Variants in COL27A1 observed in about 807,000 individuals in gnomAD.
COL27A1 encodes the protein collagen type XXVII alpha 1 chain.
COL27A1 carries 106 observed loss-of-function variants against 251.3 expected under a neutral mutation model. The ratio of observed to expected loss-of-function variants is 0.42; its 90% CI spans 0.36 to 0.50. COL27A1 has a LOEUF of 0.50. Ranked by LOEUF, COL27A1 falls within the 20% of genes least tolerant of loss-of-function variation. The pLI is 0.00. For missense variants in COL27A1, 2,325 were observed against 2,522.8 expected, an observed-to-expected ratio of 0.92 and a Z score of 1.68; for synonymous variants, 1,000 against 986.3, an observed-to-expected ratio of 1.01 and a Z score of -0.26.
At chr9:114,160,128 G>C (rs1270975892) in intron 1 of COL27A1, among the ~76,000 whole-genome samples, 2 of 151,762 alleles carry the variant, frequency 1.3e-5, no homozygotes, top group Non-Finnish European at 2.9e-5. Context: ...GGGAATTAAG[G>C]CTTTGGGAAG....
intron 2 of COL27A1, among the ~76,000 whole-genome samples, chr9:114,167,087 T>C (rs1487481207): frequency 6.6e-6 from 1 of 152,188 alleles, no homozygotes; most frequent in African/African-American, 2.4e-5. Flanking sequence ...TTTACCAAGC[T>C]CTGGTGACAG....
intron 13 of COL27A1, among the ~76,000 whole-genome samples, chr9:114,221,719 T>C (rs764721562): frequency 6.6e-6 from 1 of 152,080 alleles, no homozygotes. Flanking sequence ...GAAGGAAATG[T>C]GAGGGTGTGG....
chr9:114,310,079 C>A (rs999921230), intron 60 of COL27A1, among the ~76,000 whole-genome samples: 3 of 151,888 alleles, frequency 2.0e-5, no homozygotes, highest in African/African-American at 7.3e-5. Context: ...TATGAAGACA[C>A]AAAGGCATAA....
chr9:114,307,881 T>TA, intron 59 of COL27A1, 103 bp downstream of exon 59: 1 of 744,248 alleles, frequency 1.3e-6, no homozygotes, highest in Non-Finnish European at 2.2e-6. Context: ...GTGCCTGTCT[T>TA]ACTGCATGCC....
intron 21 of COL27A1, among the ~76,000 whole-genome samples, chr9:114,241,626 C>T (rs947380685): frequency 4.6e-5 from 7 of 152,212 alleles, no homozygotes; most frequent in African/African-American, 1.4e-4. Context: ...CAAGAAAGCC[C>T]TATGTATGCC....
At chr9:114,253,587 C>G (rs1259082466) in intron 27 of COL27A1, among the ~76,000 whole-genome samples, 1 of 152,144 alleles carries the variant, frequency 6.6e-6, no homozygotes, top group Admixed American at 6.6e-5. Flanking sequence ...ATCAGACAGA[C>G]CTGGGTAGAA....
intron 2 of COL27A1, among the ~76,000 whole-genome samples, chr9:114,166,269 A>G (rs574019171): frequency 1.2e-5 from 1 of 84,248 alleles, no homozygotes; most frequent in East Asian, 2.8e-4. Flanking sequence ...CCATCCATCC[A>G]TCCACCCATC....
intron 15 of COL27A1, 134 bp downstream of exon 15, chr9:114,231,266 A>G (rs1241823354): frequency 1.1e-5 from 9 of 827,978 alleles, no homozygotes; most frequent in East Asian, 2.7e-5. Flanking sequence ...GAGGGGTGCT[A>G]GGAGGAAGCT....
At chr9:114,258,731 G>GT in intron 28 of COL27A1, 137 bp downstream of exon 28, 1 of 869,416 alleles carries the variant, frequency 1.2e-6, no homozygotes, top group Non-Finnish European at 1.8e-6. Flanking sequence ...ACAAGGCAAG[G>GT]TTCTAGGCTC....
At chr9:114,288,071 C>T (rs1827637550) in intron 41 of COL27A1, among the ~76,000 whole-genome samples, 1 of 152,186 alleles carries the variant, frequency 6.6e-6, no homozygotes, top group Admixed American at 6.5e-5. Flanking sequence ...CTGTCCCCTT[C>T]ACCCCACCCC....
intron 5 of COL27A1, among the ~76,000 whole-genome samples, chr9:114,193,676 G>A (rs1828905035): frequency 6.6e-6 from 1 of 152,082 alleles, no homozygotes; most frequent in East Asian, 1.9e-4. Flanking sequence ...GTGCGGTGAG[G>A]GATAGTGCCA....
chr9:114,288,195 T>A (rs1827647617), intron 41 of COL27A1, among the ~76,000 whole-genome samples: 1 of 152,168 alleles, frequency 6.6e-6, no homozygotes, highest in Non-Finnish European at 1.5e-5. Context: ...TCCAGCTGTC[T>A]GAGCTCCCTG....
At chr9:114,204,089 G>A (rs576454016) in intron 7 of COL27A1, among the ~76,000 whole-genome samples, 1 of 152,138 alleles carries the variant, frequency 6.6e-6, no homozygotes, top group Non-Finnish European at 1.5e-5. Flanking sequence ...CTGGTCTTGT[G>A]TGTGTATTTT....
At chr9:114,217,686 CCTTG>C (rs1830794185) in intron 12 of COL27A1, 14 of 442,066 alleles carry the variant, frequency 3.2e-5, no homozygotes, top group South Asian at 2.4e-4. Flanking sequence ...AAGTTCTGTC[CCTTG>C]TAGGCCATGT....
intron 14 of COL27A1, 99 bp from the exon 15 acceptor site, chr9:114,230,979 GA>G: frequency 1.1e-6 from 1 of 931,232 alleles, no homozygotes; most frequent in Non-Finnish European, 1.7e-6. Context: ...TGCGTCTTTG[GA>G]AGCCCAGGCC....
chr9:114,158,232 C>G (rs929556173), intron 1 of COL27A1, among the ~76,000 whole-genome samples: 4 of 152,320 alleles, frequency 2.6e-5, no homozygotes, highest in Middle Eastern at 3.4e-3. Context: ...GGGCCACTTT[C>G]CCTGTGTGTT....
intron 41 of COL27A1, among the ~76,000 whole-genome samples, chr9:114,287,432 C>T (rs1323741973): frequency 1.3e-5 from 2 of 152,176 alleles, no homozygotes; most frequent in Non-Finnish European, 2.9e-5. Flanking sequence ...GTGGCGTCTA[C>T]ACCTGTCCTG....
intron 28 of COL27A1, 144 bp downstream of exon 28, chr9:114,258,738 G>A: frequency 2.4e-6 from 2 of 822,538 alleles, no homozygotes. Context: ...AAGGTTCTAG[G>A]CTCACCCTGG....
intron 24 of COL27A1, among the ~76,000 whole-genome samples, chr9:114,248,020 A>C (rs1238783183): frequency 1.3e-5 from 2 of 152,192 alleles, no homozygotes; most frequent in African/African-American, 4.8e-5. Context: ...GGCAGTAGGT[A>C]TTACTGTCCT....
Sources: allele counts gnomAD v4.1 joint callset (sites outside exome capture counted in the v4.1 genomes callset), GRCh38; gene constraint gnomAD v4.1.1; transcripts MANE v1.5; gene names NCBI Gene and HGNC (gene_info 2026-07-23, HGNC 2026-07-21).